ENTPD1: variants seen among roughly 807,000 people sequenced by gnomAD.
ENTPD1 encodes the protein ectonucleoside triphosphate diphosphohydrolase 1, also known as ATP diphosphohydrolase.
Under a neutral mutation model 57.0 loss-of-function variants are expected in ENTPD1, and 33 were observed. The ratio of observed to expected loss-of-function variants is 0.58; its 90% CI spans 0.44 to 0.77. ENTPD1 has a LOEUF of 0.77. Among genes scored for constraint, ENTPD1 ranks in the 30% least tolerant of loss-of-function variants. ENTPD1 has a pLI of 0.00. For synonymous variants in ENTPD1, 202 were observed against 218.8 expected (o/e 0.92, Z 0.68); for missense variants, 501 against 603.4 (o/e 0.83, Z 1.78).
chr10:95,860,872 C>T (rs570458738), intron 8 of ENTPD1, among the ~76,000 whole-genome samples: 1 of 152,364 alleles, frequency 6.6e-6, no homozygotes, highest in East Asian at 1.9e-4. Flanking sequence ...ATTGCTTCTT[C>T]AGCTCTGCTG....
intron 7 of ENTPD1, among the ~76,000 whole-genome samples, chr10:95,856,102 A>G (rs1421058612): frequency 6.6e-6 from 1 of 152,202 alleles, no homozygotes; most frequent in Non-Finnish European, 1.5e-5. Context: ...GTCTTTTCAC[A>G]TAATCCCATA....
Position 95,868,635 on chromosome 10 carries a change from A to C in ENTPD1, c.*2252A>C, listed in dbSNP as rs2098476977. ...CCTCACAACAACCCATAAGGGTGTA[A>C]ATAGTATTTCCATTTTACAAATGAG... is the stretch of plus-strand genomic sequence containing the variant. On this transcript the variant is annotated 3_prime_UTR_variant, in exon 10 of 10. Coordinates refer to ENST00000371205, the MANE Select transcript of ENTPD1 (RefSeq NM_001776.6). The C allele has an allele frequency of 1.0e-5, 10 of 983,370 alleles. No individual in the cohort carries two copies. Among genetic ancestry groups the C allele is most frequent in the Non-Finnish European group, 1.2e-5 (10 of 828,054 alleles). 60.9% of individuals were successfully genotyped at this position (983,370 alleles called of 1,614,324 possible). A position where few individuals can be genotyped will look rare whatever the true frequency, so the allele number is the denominator to read the frequency against.
the ENTPD1 span, among the ~76,000 whole-genome samples, chr10:95,703,854 G>GCTGAGGTGGGTGGATCCC: frequency 1.3e-5 from 2 of 150,860 alleles, no homozygotes; most frequent in Non-Finnish European, 2.9e-5. Context: ...ACTTTGCGAG[G>GCTGAGGTGGGTGGATCCC]CTGAGGTGGG....
At chr10:95,709,372 CTGTT>C (rs2097963794), upstream of ENTPD1, among the ~76,000 whole-genome samples, 9 of 149,074 alleles carry the variant, frequency 6.0e-5, no homozygotes, top group South Asian at 1.1e-3. Context: ...TTTTTTTTTT[CTGTT>C]TGTTTGTTTT....
At chr10:95,804,196 G>A (rs893554523) in intron 1 of ENTPD1, among the ~76,000 whole-genome samples, 1 of 152,184 alleles carries the variant, frequency 6.6e-6, no homozygotes, top group Non-Finnish European at 1.5e-5. Context: ...GCTCTCTTTT[G>A]GTTCCATAGG....
chr10:95,725,364 C>T (rs1395796220), intron 1 of ENTPD1, among the ~76,000 whole-genome samples: 1 of 152,066 alleles, frequency 6.6e-6, no homozygotes, highest in Non-Finnish European at 1.5e-5. Context: ...CTTTATTCCC[C>T]CTCGGTGAGT....
intron 1 of ENTPD1, among the ~76,000 whole-genome samples, chr10:95,770,242 AGAGT>A (rs752721143): frequency 4.7e-4 from 59 of 126,340 alleles, no homozygotes; most frequent in East Asian, 1.6e-3. Flanking sequence ...AGAGAGAGAG[AGAGT>A]GAGTGAGTGA....
intron 1 of ENTPD1, among the ~76,000 whole-genome samples, chr10:95,804,002 C>G (rs1215102280): frequency 6.6e-6 from 1 of 152,158 alleles, no homozygotes; most frequent in Non-Finnish European, 1.5e-5. Flanking sequence ...TGTCAAAGAT[C>G]AGGTGATTGT....
rs2098476582 is a variant in ENTPD1, at chr10:95,868,294, A to G, written c.*1911A>G. ...TCCAAGCATGCACTTAAAACTCCAC[A>G]TGAATACAAGGTTCATGGGACTTGG... On this transcript the variant is annotated 3_prime_UTR_variant, in exon 10 of 10. Coordinates refer to ENST00000371205, the MANE Select transcript of ENTPD1 (RefSeq NM_001776.6). The G allele has an allele frequency of 2.0e-6, 2 of 985,464 alleles. No homozygotes were observed. The highest frequency in any genetic ancestry group is 1.2e-6 in the Non-Finnish European group (1 of 829,934). 61.0% of individuals were successfully genotyped at this position (985,464 alleles called of 1,614,324 possible).
chr10:95,861,055 G>C (rs1440818076), intron 8 of ENTPD1, among the ~76,000 whole-genome samples: 7 of 152,216 alleles, frequency 4.6e-5, no homozygotes, highest in Non-Finnish European at 1.0e-4. Context: ...GGCCAGGATT[G>C]ACTGGGAAAA....
the ENTPD1 span, among the ~76,000 whole-genome samples, chr10:95,700,352 G>GA: frequency 0.037 from 5,613 of 150,740 alleles, 128 homozygotes; most frequent in Non-Finnish European, 0.049. Flanking sequence ...TGAGTTCCAG[G>GA]AAAAAAAAAG....
chr10:95,849,385 T>A (rs1363601441), intron 7 of ENTPD1, among the ~76,000 whole-genome samples: 1 of 152,228 alleles, frequency 6.6e-6, no homozygotes, highest in Non-Finnish European at 1.5e-5. Flanking sequence ...GGCTTTTGCC[T>A]GCCTTCATGC....
intron 1 of ENTPD1, among the ~76,000 whole-genome samples, chr10:95,809,623 A>C (rs111724257): frequency 1.8e-5 from 2 of 109,290 alleles, no homozygotes; most frequent in African/African-American, 7.1e-5. Flanking sequence ...GGCGCTCCCC[A>C]CCTCCCAGAC....
At chr10:95,758,380 A>G (rs2098039585) in intron 1 of ENTPD1, among the ~76,000 whole-genome samples, 1 of 152,238 alleles carries the variant, frequency 6.6e-6, no homozygotes, top group African/African-American at 2.4e-5. Flanking sequence ...GGATTCATGC[A>G]AAGTTTTTAG....
chr10:95,855,013 A>T (rs570707385), intron 7 of ENTPD1, among the ~76,000 whole-genome samples: 7 of 152,258 alleles, frequency 4.6e-5, no homozygotes, highest in African/African-American at 1.7e-4. Context: ...TGTCTCATTG[A>T]TCTGTCTAAT....
intron 2 of ENTPD1, among the ~76,000 whole-genome samples, chr10:95,838,241 C>A (rs1177574389): frequency 1.3e-5 from 2 of 151,970 alleles, no homozygotes; most frequent in Non-Finnish European, 1.5e-5. Context: ...CTGAGTAAGC[C>A]CAGAGATATA....
chr10:95,694,218 C>T, the ENTPD1 span: 1 of 369,606 alleles, frequency 2.7e-6, no homozygotes, highest in Non-Finnish European at 5.0e-6. Context: ...AGAGGTTCCG[C>T]GCCCACTTCG....
At chr10:95,708,181 TAAC>T (rs144548958), upstream of ENTPD1, among the ~76,000 whole-genome samples, 5,095 of 150,940 alleles carry the variant, frequency 0.034, 118 homozygotes, top group Non-Finnish European at 0.049. Context: ...TTCAGGGATT[TAAC>T]TTCTTTTTTT....
intron 1 of ENTPD1, among the ~76,000 whole-genome samples, chr10:95,803,293 A>C (rs1032116792): frequency 6.6e-6 from 1 of 152,186 alleles, no homozygotes; most frequent in African/African-American, 2.4e-5. Flanking sequence ...ACTGTCTTCC[A>C]CAATGGTTGA....
Sources: gnomAD v4.1 joint callset for allele counts (sites outside exome capture counted in the v4.1 genomes callset) on GRCh38, gnomAD v4.1.1 for gene constraint, MANE v1.5 for transcripts, NCBI Gene and HGNC (gene_info 2026-07-23, HGNC 2026-07-21) for gene names.